The following BICD1 variants were observed in gnomAD, a reference collection of about 807,000 sequenced individuals.
The protein encoded by BICD1 is BICD cargo adaptor 1.
A neutral mutation model predicts 92.5 loss-of-function variants in BICD1; 35 were observed. The observed-to-expected ratio is 0.38, with a 90% CI of 0.29 to 0.50. The LOEUF is 0.50. Ranked by LOEUF, BICD1 falls within the 20% of genes least tolerant of loss-of-function variation. BICD1 has a pLI of 0.93. For missense variants in BICD1, 950 were observed against 1,189.8 expected, an observed-to-expected ratio of 0.80 and a Z score of 2.97; for synonymous variants, 429 against 465.1, an observed-to-expected ratio of 0.92 and a Z score of 1.00.
chr12:32,174,799 C>T (rs1278365348), intron 1 of BICD1, among the ~76,000 whole-genome samples: 1 of 152,082 alleles, frequency 6.6e-6, no homozygotes, highest in Non-Finnish European at 1.5e-5. Context: ...TTTCAATGAA[C>T]ATATTTTTAA....
chr12:32,167,599 G>A (rs954793947), intron 1 of BICD1, among the ~76,000 whole-genome samples: 1 of 152,104 alleles, frequency 6.6e-6, no homozygotes, highest in Non-Finnish European at 1.5e-5. Flanking sequence ...AGGACTACAG[G>A]CGCATGCCAC....
At chr12:32,257,578 C>T (rs1946754313) in intron 2 of BICD1, among the ~76,000 whole-genome samples, 1 of 151,908 alleles carries the variant, frequency 6.6e-6, no homozygotes, top group Admixed American at 6.6e-5. Context: ...AACTGTTTGG[C>T]CTTATCTAGT....
At chr12:32,374,090 T>G (rs752351162) in intron 9 of BICD1, among the ~76,000 whole-genome samples, 6 of 151,798 alleles carry the variant, frequency 4.0e-5, no homozygotes, top group Non-Finnish European at 8.8e-5. Context: ...GGCGCAGGCC[T>G]GTAATCCCAG....
At chr12:32,189,882 A>G (rs952319018) in intron 1 of BICD1, among the ~76,000 whole-genome samples, 2 of 152,036 alleles carry the variant, frequency 1.3e-5, no homozygotes, top group African/African-American at 4.8e-5. Flanking sequence ...TATTTGTAGT[A>G]GAGATGGGGT....
At chr12:32,363,813 C>T (rs1204220779) in intron 8 of BICD1, among the ~76,000 whole-genome samples, 1 of 152,228 alleles carries the variant, frequency 6.6e-6, no homozygotes, top group Admixed American at 6.5e-5. Flanking sequence ...TTGGACCATA[C>T]AATCCTGGAT....
chr12:32,141,608 G>T (rs1219042741), intron 1 of BICD1, among the ~76,000 whole-genome samples: 1 of 152,128 alleles, frequency 6.6e-6, no homozygotes, highest in South Asian at 2.1e-4. Flanking sequence ...CGAGTAGCTC[G>T]GAGTACAGGC....
rs80108042 is a variant in BICD1, at chr12:32,379,517, C to G, written c.*1890C>G. 0.059 allele frequency: 8,973 copies of G among 152,322 alleles called. 382 individuals are homozygous for G. Among genetic ancestry groups the G allele is most frequent in the Middle Eastern group, 0.15 (43 of 294 alleles). 9.4% of individuals were successfully genotyped at this position (152,322 alleles called of 1,614,324 possible). A position where few individuals can be genotyped will look rare whatever the true frequency, so the allele number is the denominator to read the frequency against. The stretch of plus-strand genomic sequence containing the variant: ...AACCATAGCAGCCTAACCTTCTGCT[C>G]TTTTCTACCTGCATGGCCTTGCTGT... On this transcript the variant is annotated 3_prime_UTR_variant, in exon 10 of 10. Coordinates refer to ENST00000652176, the MANE Select transcript of BICD1 (RefSeq NM_001714.4).
intron 2 of BICD1, among the ~76,000 whole-genome samples, chr12:32,280,720 T>C (rs1467710414): frequency 1.3e-5 from 2 of 152,216 alleles, no homozygotes; most frequent in African/African-American, 4.8e-5. Context: ...CGTCCTGAAG[T>C]CCTTCACTTG....
At chr12:32,115,046 G>C (rs765451892) in intron 1 of BICD1, among the ~76,000 whole-genome samples, 1 of 151,750 alleles carries the variant, frequency 6.6e-6, no homozygotes, top group Non-Finnish European at 1.5e-5. Flanking sequence ...GGGCGGCGGG[G>C]GAGTTTCAAT....
In BICD1 at chr12:32,306,093, A is replaced by G; in HGVS notation, c.976A>G (p.Ile326Val). The change falls in exon 4 of 10, where the codon ATA becomes GTA. Residue 326 changes from isoleucine (I) to valine (V), a missense_variant. Transcript: ENST00000652176. Reference protein sequence around the residue: ...DLFSELNISEIQKLKQQLMQV... With the variant: ...DLFSELNISEVQKLKQQLMQV... The stretch of plus-strand genomic sequence containing the variant: ...ATTCAGTGAGCTGAACATTTCAGAA[A>G]TACAGAAGTTGAAGCAGCAGCTTAT... The G allele has an allele frequency of 6.2e-7, 1 of 1,605,812 alleles. No individual in the cohort carries two copies. Among genetic ancestry groups the G allele is most frequent in the Non-Finnish European group, 8.5e-7 (1 of 1,177,330 alleles).
In BICD1 at chr12:32,107,024, A is replaced by C; in HGVS notation, c.-308A>C. ...GCCCCTCGCTACCCGCGGCCGCCGC[A>C]GCCCGGGCCATGCCGCACGGCTGCT... On this transcript the variant is annotated 5_prime_UTR_variant, in exon 1 of 10. Coordinates refer to ENST00000652176, the MANE Select transcript of BICD1 (RefSeq NM_001714.4). 1 of 319,432 alleles carries C rather than the reference A, an allele frequency of 3.1e-6. No homozygotes were observed. Among genetic ancestry groups the C allele is most frequent in the South Asian group, 4.4e-5 (1 of 22,482 alleles). The allele number at this position is 319,432 out of a possible 1,614,324, so 19.8% of individuals were successfully genotyped here. A position where few individuals can be genotyped will look rare whatever the true frequency, so the allele number is the denominator to read the frequency against.
At chr12:32,323,730 T>C (rs1490942306) in intron 4 of BICD1, among the ~76,000 whole-genome samples, 2 of 152,212 alleles carry the variant, frequency 1.3e-5, no homozygotes, top group African/African-American at 4.8e-5. Flanking sequence ...TTCTAATATA[T>C]GTGATCATAC....
intron 8 of BICD1, among the ~76,000 whole-genome samples, chr12:32,357,013 T>C (rs1289342372): frequency 8.9e-5 from 3 of 33,740 alleles, no homozygotes; most frequent in East Asian, 1.1e-3. Flanking sequence ...ATTCTCCTGC[T>C]TTTTTTTTTT....
At position 32,359,048 on chromosome 12, in the gene BICD1, T is replaced by C. The variant is rs141273356; in HGVS notation, c.2765-8622T>C. ...AAGAGAGATATCCTTTTCCCTCCCA[T>C]AAGGACTAAAAGAGGATGTCTCTGT... On this transcript the variant is annotated intron_variant, in intron 8 of 9. Coordinates refer to ENST00000652176, the MANE Select transcript of BICD1 (RefSeq NM_001714.4). Among the ~76,000 whole-genome samples, 1,171 of 152,274 alleles carry C rather than the reference T, an allele frequency of 7.7e-3. 11 individuals are homozygous for C. Among genetic ancestry groups the C allele is most frequent in the African/African-American group, 0.026 (1,060 of 41,562 alleles).
intron 2 of BICD1, among the ~76,000 whole-genome samples, chr12:32,286,269 A>G (rs1246157210): frequency 2.6e-5 from 4 of 152,148 alleles, no homozygotes; most frequent in African/African-American, 7.2e-5. Flanking sequence ...TTCCCATTTC[A>G]GAATCTCTTG....
chr12:32,211,051 GAATT>G (rs1945199313), intron 1 of BICD1, among the ~76,000 whole-genome samples: 1 of 152,156 alleles, frequency 6.6e-6, no homozygotes, highest in Non-Finnish European at 1.5e-5. Flanking sequence ...TGACAATTAG[GAATT>G]AGATTAAAAT....
Position 32,193,191 on chromosome 12 carries a change from G to A in BICD1, c.214-23056G>A, listed in dbSNP as rs529014997. On this transcript the variant is annotated intron_variant, in intron 1 of 9. Transcript: ENST00000652176. ...ATGCATTAAACTTGTCTTATTTTAA[G>A]AAATTGCCACAGCCACCCCAACCTT... 2.2e-3 allele frequency among the ~76,000 whole-genome samples: 332 copies of A among 151,866 alleles called. 2 individuals carry two copies. Among genetic ancestry groups the A allele is most frequent in the African/African-American group, 7.4e-3 (309 of 41,548 alleles).
intron 1 of BICD1, among the ~76,000 whole-genome samples, chr12:32,159,629 C>T (rs1199475784): frequency 1.3e-5 from 2 of 152,208 alleles, no homozygotes; most frequent in African/African-American, 4.8e-5. Flanking sequence ...AGTTCGCCAG[C>T]AGGTGCGATT....
At chr12:32,202,929 A>G (rs12426134) in intron 1 of BICD1, among the ~76,000 whole-genome samples, 3 of 152,150 alleles carry the variant, frequency 2.0e-5, no homozygotes, top group Non-Finnish European at 4.4e-5. Context: ...AAATAACTTA[A>G]TGAATAAGGT....
Sources: allele counts gnomAD v4.1 joint callset (sites outside exome capture counted in the v4.1 genomes callset), GRCh38; gene constraint gnomAD v4.1.1; transcripts MANE v1.5; gene names NCBI Gene and HGNC (gene_info 2026-07-23, HGNC 2026-07-21).